The following ADGRL3 variants were observed in gnomAD, a reference collection of about 807,000 sequenced individuals.
ADGRL3 encodes the protein calcium-independent alpha-latrotoxin receptor 3.
A neutral mutation model predicts 153.5 loss-of-function variants in ADGRL3; 62 were observed. The ratio of observed to expected loss-of-function variants is 0.40; its 90% confidence interval spans 0.33 to 0.50. The LOEUF (loss-of-function observed/expected upper bound fraction) is 0.50. Ranked by LOEUF, ADGRL3 falls within the 20% of genes least tolerant of loss-of-function variation. ADGRL3 has a pLI of 0.47. For missense variants in ADGRL3, 1,641 were observed against 1,859.4 expected, an observed-to-expected ratio of 0.88 and a Z score of 2.16; for synonymous variants, 710 against 672.5, an observed-to-expected ratio of 1.06 and a Z score of -0.86.
chr4:61,738,070 C>T (rs1322522822), intron 8 of ADGRL3, among the ~76,000 whole-genome samples: 1 of 152,006 alleles, frequency 6.6e-6, no homozygotes. Flanking sequence ...TCTTTTATCC[C>T]TCATCCCCTC....
At chr4:61,735,698 AT>A (rs991825895) in intron 8 of ADGRL3, among the ~76,000 whole-genome samples, 24 of 152,270 alleles carry the variant, frequency 1.6e-4, no homozygotes, top group African/African-American at 5.8e-4. Context: ...ATAATAACTT[AT>A]TTTTTTAGGT....
intron 1 of ADGRL3, among the ~76,000 whole-genome samples, chr4:61,276,115 C>A (rs1347784624): frequency 1.3e-5 from 2 of 152,106 alleles, no homozygotes; most frequent in Non-Finnish European, 2.9e-5. Flanking sequence ...AGTTGATTAT[C>A]TTACTCTGAA....
chr4:62,069,155 A>C (rs1744547712), intron 26 of ADGRL3, among the ~76,000 whole-genome samples: 1 of 152,166 alleles, frequency 6.6e-6, no homozygotes, highest in Non-Finnish European at 1.5e-5. Flanking sequence ...TTGAAGAAAT[A>C]TGTGGTCAGA....
intron 1 of ADGRL3, among the ~76,000 whole-genome samples, chr4:61,247,728 C>G (rs558786942): frequency 6.6e-6 from 1 of 151,786 alleles, no homozygotes; most frequent in South Asian, 2.1e-4. Flanking sequence ...CTTTTCCTAC[C>G]CCTGTATAAT....
chr4:61,627,482 A>T (rs2092904393), intron 5 of ADGRL3, among the ~76,000 whole-genome samples: 1 of 151,996 alleles, frequency 6.6e-6, no homozygotes, highest in Admixed American at 6.5e-5. Flanking sequence ...TTAGCTGGGC[A>T]TGGTGGCGGG....
At chr4:61,362,578 T>C (rs1054439347) in intron 1 of ADGRL3, among the ~76,000 whole-genome samples, 1 of 152,092 alleles carries the variant, frequency 6.6e-6, no homozygotes, top group Non-Finnish European at 1.5e-5. Context: ...ATTCTGAAAG[T>C]AAGCTGAAGA....
intron 6 of ADGRL3, among the ~76,000 whole-genome samples, chr4:61,695,366 C>T (rs1469626952): frequency 6.6e-6 from 1 of 152,140 alleles, no homozygotes; most frequent in Non-Finnish European, 1.5e-5. Flanking sequence ...TGTACATTAT[C>T]ATCAGAGGTT....
chr4:61,481,243 G>T (rs1267303494), intron 2 of ADGRL3, among the ~76,000 whole-genome samples: 1 of 152,116 alleles, frequency 6.6e-6, no homozygotes, highest in African/African-American at 2.4e-5. Flanking sequence ...TTTTATTCAT[G>T]CAGTGAATAT....
At chr4:61,582,652 A>G (rs1364234191) in intron 4 of ADGRL3, among the ~76,000 whole-genome samples, 2 of 152,020 alleles carry the variant, frequency 1.3e-5, no homozygotes, top group African/African-American at 4.8e-5. Flanking sequence ...GAAAAAAAAA[A>G]ACAGATTTGA....
chr4:61,383,838 C>G (rs2096703630), intron 2 of ADGRL3, among the ~76,000 whole-genome samples: 1 of 151,756 alleles, frequency 6.6e-6, no homozygotes, highest in South Asian at 2.1e-4. Flanking sequence ...TCATAGAAGG[C>G]AAAACAGGCC....
intron 19 of ADGRL3, among the ~76,000 whole-genome samples, chr4:61,991,286 T>C (rs1397261381): frequency 6.6e-6 from 1 of 151,972 alleles, no homozygotes; most frequent in East Asian, 1.9e-4. Context: ...GGGGTACGTG[T>C]GAAGGTTTGT....
At chr4:61,293,926 A>G (rs1368739583) in intron 1 of ADGRL3, among the ~76,000 whole-genome samples, 3 of 152,110 alleles carry the variant, frequency 2.0e-5, no homozygotes, top group African/African-American at 7.2e-5. Context: ...TTAGGGATAA[A>G]ATAGGTAATG....
rs191993716 is a variant in ADGRL3, at chr4:61,214,678, A to G, written c.-240+12913A>G. On this transcript the variant is annotated intron_variant, in intron 1 of 26. Transcript: ENST00000683033. ...AGGCTGGATGCTGTGGCTCATGCCTATAATCCCGGTACTTTGGGAGGCTGA... is the reference window on the plus strand; with the variant it reads ...AGGCTGGATGCTGTGGCTCATGCCTGTAATCCCGGTACTTTGGGAGGCTGA... Among the ~76,000 whole-genome samples, 314 of 152,282 alleles carry G rather than the reference A, an allele frequency of 2.1e-3. 1 individual carries two copies. Among genetic ancestry groups the G allele is most frequent in the South Asian group, 4.1e-3 (20 of 4,830 alleles).
At chr4:61,453,333 T>C (rs1411990498) in intron 2 of ADGRL3, among the ~76,000 whole-genome samples, 1 of 152,160 alleles carries the variant, frequency 6.6e-6, no homozygotes, top group Non-Finnish European at 1.5e-5. Flanking sequence ...CTTAATAATG[T>C]TGCAAAGAGC....
intron 1 of ADGRL3, among the ~76,000 whole-genome samples, chr4:61,307,119 G>A (rs1360396954): frequency 1.3e-5 from 2 of 152,112 alleles, no homozygotes; most frequent in Non-Finnish European, 2.9e-5. Flanking sequence ...TAATAAATAG[G>A]TGACTTGCCC....
chr4:61,276,233 C>G (rs1391394552), intron 1 of ADGRL3, among the ~76,000 whole-genome samples: 1 of 152,092 alleles, frequency 6.6e-6, no homozygotes, highest in Non-Finnish European at 1.5e-5. Context: ...GCTCTTTCCC[C>G]ATCATTACTC....
At chr4:61,766,138 G>A (rs1414584766) in intron 8 of ADGRL3, among the ~76,000 whole-genome samples, 2 of 152,074 alleles carry the variant, frequency 1.3e-5, no homozygotes, top group Admixed American at 6.6e-5. Context: ...TACAGTCATG[G>A]GGGTCAGGTG....
At chr4:61,788,877 G>A (rs536750590) in intron 8 of ADGRL3, among the ~76,000 whole-genome samples, 4 of 152,176 alleles carry the variant, frequency 2.6e-5, no homozygotes, top group African/African-American at 9.6e-5. Flanking sequence ...ATGGGCAATT[G>A]ATTTCCAATA....
At chr4:61,395,696 C>A (rs1419364370) in intron 2 of ADGRL3, among the ~76,000 whole-genome samples, 1 of 151,606 alleles carries the variant, frequency 6.6e-6, no homozygotes, top group Non-Finnish European at 1.5e-5. Flanking sequence ...TTAAAGCTTT[C>A]ATTGAAAAAA....
Sources: gnomAD v4.1 joint callset for allele counts (sites outside exome capture counted in the v4.1 genomes callset) on GRCh38, gnomAD v4.1.1 for gene constraint, MANE v1.5 for transcripts, NCBI Gene and HGNC (gene_info 2026-07-23, HGNC 2026-07-21) for gene names.